CA5B: variants seen among roughly 807,000 people sequenced by gnomAD.
CA5B encodes carbonic anhydrase 5B.
Under a neutral mutation model 23.1 loss-of-function variants are expected in CA5B, and 15 were observed. The ratio of observed to expected loss-of-function variants is 0.65; its 90% CI spans 0.43 to 1.00. The LOEUF is 1.00. Ranked by LOEUF, CA5B falls within the 50% of genes least tolerant of loss-of-function variation. The pLI, the probability that CA5B is intolerant of heterozygous loss-of-function variation, is 0.00. For missense variants in CA5B, 236 were observed against 252.2 expected (o/e 0.94, Z 0.43); for synonymous variants, 84 against 98.5 (o/e 0.85, Z 0.87).
intron 2 of CA5B, among the ~76,000 whole-genome samples, chrX:15,751,539 CT>C (rs397895591): frequency 1.9e-3 from 181 of 97,549 alleles, no homozygotes; most frequent in Admixed American, 2.0e-3. Context: ...AATAGTTTTG[CT>C]TTTTTTTTTT....
chrX:15,765,501 CTTGT>C (rs1931688299), intron 3 of CA5B: 1 of 108,944 alleles, frequency 9.2e-6, no homozygotes, highest in Non-Finnish European at 1.9e-5. Context: ...TTTTTGTTTG[CTTGT>C]TTGTTTTACT....
chrX:15,749,706 CTT>C (rs1931317806), intron 1 of CA5B, among the ~76,000 whole-genome samples: 1 of 109,498 alleles, frequency 9.1e-6, no homozygotes, highest in African/African-American at 3.3e-5. Context: ...TAAAGAGAAG[CTT>C]TTCTCTGGAT....
At chrX:15,781,093 C>T (rs1417832314) in intron 7 of CA5B, among the ~76,000 whole-genome samples, 1 of 110,356 alleles carries the variant, frequency 9.1e-6, no homozygotes, top group Non-Finnish European at 1.9e-5. Context: ...CAACCTCCAC[C>T]TCCTGGGCTC....
chrX:15,755,290 A>T (rs756292332), intron 2 of CA5B, among the ~76,000 whole-genome samples: 1 of 112,180 alleles, frequency 8.9e-6, no homozygotes, highest in South Asian at 3.7e-4. Flanking sequence ...ACTGACCATC[A>T]GGAAATGTGG....
intron 5 of CA5B, among the ~76,000 whole-genome samples, chrX:15,774,854 AT>A (rs958412898): frequency 3.6e-5 from 4 of 112,192 alleles, no homozygotes; most frequent in Admixed American, 9.5e-5. Flanking sequence ...CACCAAAAAA[AT>A]ATATATATTT....
intron 2 of CA5B, chrX:15,762,877 A>T (rs746025375): frequency 5.5e-6 from 2 of 363,256 alleles, no homozygotes; most frequent in South Asian, 5.0e-5. Flanking sequence ...TGCTCATCAC[A>T]CTTGGGGGTC....
chrX:15,775,166 A>C, intron 5 of CA5B, 80 bp from the exon 6 acceptor site: 1 of 714,440 alleles, frequency 1.4e-6, no homozygotes, highest in East Asian at 3.3e-5. Context: ...CCAGGTAGTT[A>C]ATTTTAATTC....
chrX:15,780,513 C>G (rs1464470578), intron 7 of CA5B, among the ~76,000 whole-genome samples: 1 of 111,184 alleles, frequency 9.0e-6, no homozygotes, highest in Non-Finnish European at 1.9e-5. Flanking sequence ...ACCTCGTGAT[C>G]CACCCGCCTC....
chrX:15,774,624 A>G (rs755605006), intron 5 of CA5B, among the ~76,000 whole-genome samples: 6 of 111,531 alleles, frequency 5.4e-5, no homozygotes, highest in Non-Finnish European at 1.1e-4. Flanking sequence ...ACTTGAGGTC[A>G]GGAGTTCGAG....
chrX:15,766,178 A>G (rs1006135641), intron 3 of CA5B, among the ~76,000 whole-genome samples: 1 of 83,595 alleles, frequency 1.2e-5, no homozygotes, highest in Non-Finnish European at 2.4e-5. Flanking sequence ...AAAAAAAAAA[A>G]GTAAATATTC....
intron 5 of CA5B, among the ~76,000 whole-genome samples, chrX:15,774,660 C>G (rs893194350): frequency 9.0e-6 from 1 of 110,731 alleles, no homozygotes; most frequent in South Asian, 3.9e-4. Context: ...ATGGGGAAAC[C>G]CTGTTTCTAC....
rs1932086494 is a variant in CA5B at position 15,784,887 on chromosome X, C to T, written c.*2223C>T. 8.9e-6 allele frequency: 1 copy of T among 112,349 alleles called. No individual in the cohort carries two copies. The highest frequency in any genetic ancestry group is 3.2e-5 in the African/African-American group (1 of 30,896). 9.3% of individuals were successfully genotyped at this position (112,349 alleles called of 1,213,427 possible). A position where few individuals can be genotyped will look rare whatever the true frequency, so the allele number is the denominator to read the frequency against. The stretch of plus-strand genomic sequence containing the variant: ...TCAATTTTTAAAAATGGGCAAAGGA[C>T]TTGCACAGACATTTCTCCAAAGAAG... On this transcript the variant is annotated 3_prime_UTR_variant, in exon 8 of 8. Coordinates refer to ENST00000318636, the MANE Select transcript of CA5B (RefSeq NM_007220.4).
chrX:15,752,448 A>G (rs753868587), intron 2 of CA5B, among the ~76,000 whole-genome samples: 20 of 112,305 alleles, frequency 1.8e-4, no homozygotes, highest in Non-Finnish European at 3.0e-4. Flanking sequence ...TCTCTGGGCC[A>G]GGCGCGATGG....
At chrX:15,760,563 G>T (rs193104116) in intron 2 of CA5B, among the ~76,000 whole-genome samples, 15 of 111,724 alleles carry the variant, frequency 1.3e-4, no homozygotes, top group African/African-American at 4.5e-4. Context: ...TGTGAGTGTT[G>T]ATACTTCCCA....
intron 1 of CA5B, among the ~76,000 whole-genome samples, chrX:15,744,572 C>T (rs1931187125): frequency 8.9e-6 from 1 of 112,113 alleles, no homozygotes; most frequent in Admixed American, 9.4e-5. Flanking sequence ...AGAAAGGAGG[C>T]CTTTTCCACT....
rs746848264 is a variant in CA5B, at chrX:15,783,330, C to A, written c.*666C>A. ...TATTTGCCCCAGTGTTTAGTTGTTA[C>A]AAGGACATGATATGCTTACTTACTA... is the stretch of plus-strand genomic sequence containing the variant. On this transcript the variant is annotated 3_prime_UTR_variant, in exon 8 of 8. Coordinates refer to ENST00000318636, the MANE Select transcript of CA5B (RefSeq NM_007220.4). 8.9e-6 allele frequency: 1 copy of A among 111,777 alleles called. No individual in the cohort carries two copies. The highest frequency in any genetic ancestry group is 3.3e-5 in the African/African-American group (1 of 30,731). The allele number at this position is 111,777 out of a possible 1,213,427, so 9.2% of individuals were successfully genotyped here. A position where few individuals can be genotyped will look rare whatever the true frequency, so the allele number is the denominator to read the frequency against.
At chrX:15,781,127 G>A (rs1601796401) in intron 7 of CA5B, among the ~76,000 whole-genome samples, 3 of 110,715 alleles carry the variant, frequency 2.7e-5, no homozygotes, top group Non-Finnish European at 3.8e-5. Flanking sequence ...ACAGGCATGA[G>A]CCACCACGCC....
At chrX:15,744,809 G>A (rs1931191745) in intron 1 of CA5B, among the ~76,000 whole-genome samples, 1 of 110,553 alleles carries the variant, frequency 9.0e-6, no homozygotes, top group African/African-American at 3.3e-5. Flanking sequence ...GAAACTTAGA[G>A]CCCCTGCGCC....
chrX:15,740,620 C>G (rs1286333711), intron 1 of CA5B, among the ~76,000 whole-genome samples: 7 of 111,977 alleles, frequency 6.3e-5, no homozygotes, highest in African/African-American at 2.3e-4. Context: ...TTGTGAGTCT[C>G]CCTTGATATA....
Sources: allele counts gnomAD v4.1 joint callset (sites outside exome capture counted in the v4.1 genomes callset), GRCh38; gene constraint gnomAD v4.1.1; transcripts MANE v1.5; gene names NCBI Gene and HGNC (gene_info 2026-07-23, HGNC 2026-07-21).